The following EPB41L4A variants were observed in gnomAD, a reference collection of about 807,000 sequenced individuals.
EPB41L4A encodes erythrocyte membrane protein band 4.1 like 4A.
In EPB41L4A, 100 loss-of-function variants were observed where a neutral mutation model predicts 108.6. The ratio of observed to expected loss-of-function variants is 0.92; its 90% CI spans 0.78 to 1.09. EPB41L4A has a LOEUF of 1.09. Among genes scored for constraint, EPB41L4A ranks in the 50% least tolerant of loss-of-function variants. The pLI, the probability that EPB41L4A is intolerant of heterozygous loss-of-function variation, is 0.00. For synonymous variants in EPB41L4A, 319 were observed against 289.0 expected (o/e 1.10, Z -1.05); for missense variants, 1,030 against 842.7 (o/e 1.22, Z -2.75).
chr5:112,179,728 T>G (rs1015881007), intron 18 of EPB41L4A, among the ~76,000 whole-genome samples: 1 of 152,186 alleles, frequency 6.6e-6, no homozygotes, highest in Admixed American at 6.5e-5. Flanking sequence ...TTGAATGCTC[T>G]CCCTTTATGA....
At chr5:112,330,646 A>G (rs954087424) in intron 1 of EPB41L4A, among the ~76,000 whole-genome samples, 9 of 152,116 alleles carry the variant, frequency 5.9e-5, no homozygotes, top group African/African-American at 1.9e-4. Context: ...CATGGTAAGC[A>G]GAAGACGCAG....
chr5:112,240,488 A>G (rs1749691009), intron 10 of EPB41L4A, among the ~76,000 whole-genome samples: 1 of 152,204 alleles, frequency 6.6e-6, no homozygotes, highest in South Asian at 2.1e-4. Context: ...CCTTTCTTGC[A>G]GTATCAAAGA....
At chr5:112,204,039 CAA>C (rs934719967) in intron 15 of EPB41L4A, among the ~76,000 whole-genome samples, 1 of 135,654 alleles carries the variant, frequency 7.4e-6, no homozygotes, top group African/African-American at 2.7e-5. Flanking sequence ...AACTCCGTCT[CAA>C]AAAAAAAAAG....
chr5:112,343,214 T>G (rs1229339668), intron 1 of EPB41L4A, among the ~76,000 whole-genome samples: 3 of 152,178 alleles, frequency 2.0e-5, no homozygotes, highest in Admixed American at 1.3e-4. Context: ...TGGTCAAATT[T>G]AGGTTCATAA....
chr5:112,240,900 T>C (rs1264238580), intron 9 of EPB41L4A, 90 bp from the exon 10 acceptor site: 3 of 703,514 alleles, frequency 4.3e-6, no homozygotes, highest in Non-Finnish European at 7.2e-6. Flanking sequence ...GTAACAAAAA[T>C]TCAAGCAGAG....
intron 4 of EPB41L4A, among the ~76,000 whole-genome samples, chr5:112,272,944 G>A (rs1014572908): frequency 2.0e-5 from 3 of 152,096 alleles, no homozygotes; most frequent in East Asian, 3.9e-4. Flanking sequence ...AACAGCCAAC[G>A]CAGAGTAGGC....
At chr5:112,281,581 G>A (rs1039405977) in intron 2 of EPB41L4A, among the ~76,000 whole-genome samples, 3 of 152,198 alleles carry the variant, frequency 2.0e-5, no homozygotes, top group Admixed American at 2.0e-4. Context: ...ATTTCCTCGT[G>A]CTCCTTAATG....
At chr5:112,377,123 C>T (rs190270144) in intron 1 of EPB41L4A, among the ~76,000 whole-genome samples, 1 of 151,090 alleles carries the variant, frequency 6.6e-6, no homozygotes, top group Non-Finnish European at 1.5e-5. Context: ...GAAGATCACT[C>T]AAGCCGTGGG....
At chr5:112,305,419 T>A (rs1754623186) in intron 2 of EPB41L4A, among the ~76,000 whole-genome samples, 1 of 152,136 alleles carries the variant, frequency 6.6e-6, no homozygotes, top group South Asian at 2.1e-4. Context: ...TCAACATTCA[T>A]GAAAACCATT....
At chr5:112,195,773 C>T in intron 15 of EPB41L4A, 65 bp from the exon 16 acceptor site, 2 of 1,399,816 alleles carry the variant, frequency 1.4e-6, no homozygotes, top group Non-Finnish European at 2.0e-6. Flanking sequence ...GAAAGCACAC[C>T]AAAATGAGTT....
At chr5:112,146,408 G>C (rs11951649) in intron 12 of EPB41L4A, among the ~76,000 whole-genome samples, 8 of 152,168 alleles carry the variant, frequency 5.3e-5, no homozygotes, top group African/African-American at 1.7e-4. Flanking sequence ...TTTGTGTTTA[G>C]TGCTGTTTGA....
rs77939548 is a variant in EPB41L4A, at chr5:112,284,272, AG to A, written c.205-3950del. 0.034 allele frequency among the ~76,000 whole-genome samples: 5,175 copies of A among 152,252 alleles called. 477 individuals carry two copies. The East Asian group carries it at 0.35, about 10-fold the overall frequency. On this transcript the variant is annotated intron_variant, in intron 2 of 22. Transcript: ENST00000261486. Reference sequence around the variant, plus strand: ...GTGCCCTAAGAGACTGTTCTTTTGGAGTCTCCTAGAGTTCTAATAGAATAAA... The same window carrying A: ...GTGCCCTAAGAGACTGTTCTTTTGGATCTCCTAGAGTTCTAATAGAATAAA...
At chr5:112,218,272 G>C (rs1451530768) in intron 12 of EPB41L4A, among the ~76,000 whole-genome samples, 1 of 152,134 alleles carries the variant, frequency 6.6e-6, no homozygotes, top group Non-Finnish European at 1.5e-5. Context: ...AACAGGAGAG[G>C]GTGCACATTG....
At chr5:112,285,762 T>A (rs1753239252) in intron 2 of EPB41L4A, among the ~76,000 whole-genome samples, 1 of 152,198 alleles carries the variant, frequency 6.6e-6, no homozygotes, top group Admixed American at 6.6e-5. Context: ...GACACCACTC[T>A]AAGGTTACAG....
At chr5:112,275,615 T>C (rs1055074257) in intron 3 of EPB41L4A, among the ~76,000 whole-genome samples, 1 of 152,144 alleles carries the variant, frequency 6.6e-6, no homozygotes. Context: ...TACACCAGAA[T>C]GTTGCTGGTT....
intron 9 of EPB41L4A, among the ~76,000 whole-genome samples, chr5:112,245,183 A>T (rs1460797332): frequency 6.6e-6 from 1 of 152,198 alleles, no homozygotes; most frequent in African/African-American, 2.4e-5. Context: ...CTGAACAGAA[A>T]ACTAAGCAAA....
chr5:112,206,472 T>C (rs1762478396), intron 13 of EPB41L4A, among the ~76,000 whole-genome samples: 1 of 152,150 alleles, frequency 6.6e-6, no homozygotes, highest in Non-Finnish European at 1.5e-5. Flanking sequence ...TATTAGTAGA[T>C]GGCAGCTTAG....
At chr5:112,162,022 TTTG>T (rs1759939603), downstream of EPB41L4A, 1 of 152,366 alleles carries the variant, frequency 6.6e-6, no homozygotes, top group Non-Finnish European at 1.5e-5. Context: ...CTCTTTAAGA[TTTG>T]TTTTTATGTG....
At chr5:112,167,729 A>G (rs1008984129) in intron 22 of EPB41L4A, among the ~76,000 whole-genome samples, 1 of 151,834 alleles carries the variant, frequency 6.6e-6, no homozygotes, top group Non-Finnish European at 1.5e-5. Context: ...CTCCCCAACA[A>G]CTATGGATCC....
Sources: allele counts gnomAD v4.1 joint callset (sites outside exome capture counted in the v4.1 genomes callset), GRCh38; gene constraint gnomAD v4.1.1; transcripts MANE v1.5; gene names NCBI Gene and HGNC (gene_info 2026-07-23, HGNC 2026-07-21).